Variants in ELOVL6 observed in about 807,000 individuals in gnomAD.
The protein encoded by ELOVL6 is ELOVL fatty acid elongase 6.
Under a neutral mutation model 31.7 loss-of-function variants are expected in ELOVL6, and 8 were observed. The observed-to-expected ratio is 0.25, with a 90% CI of 0.15 to 0.45. The LOEUF (loss-of-function observed/expected upper bound fraction) is 0.45. Among genes scored for constraint, ELOVL6 ranks in the 20% least tolerant of loss-of-function variants. The probability of loss-of-function intolerance (pLI) is 1.00; values close to 1 mark genes in which losing one functional copy is unlikely to be tolerated. For synonymous variants in ELOVL6, 101 were observed against 117.7 expected, an observed-to-expected ratio of 0.86 and a Z score of 0.92; for missense variants, 126 against 326.4, an observed-to-expected ratio of 0.39 and a Z score of 4.73.
chr4:110,180,021 GC>G (rs1335411747), intron 1 of ELOVL6, among the ~76,000 whole-genome samples: 1 of 152,218 alleles, frequency 6.6e-6, no homozygotes, highest in Non-Finnish European at 1.5e-5. Context: ...AGAAATATCA[GC>G]CATAAAATGT....
At chr4:110,063,592 A>G (rs746129954) in intron 2 of ELOVL6, among the ~76,000 whole-genome samples, 68 of 152,334 alleles carry the variant, frequency 4.5e-4, no homozygotes, top group Non-Finnish European at 8.8e-4. Context: ...GTTGGTATAG[A>G]AAAGCTTCTG....
intron 1 of ELOVL6, among the ~76,000 whole-genome samples, chr4:110,127,406 C>CAAAAA (rs572027886): frequency 0.015 from 1,265 of 85,230 alleles, 112 homozygotes; most frequent in East Asian, 0.13. Flanking sequence ...GATTCCGTCT[C>CAAAAA]AAAAAAAAAA....
At chr4:110,128,123 T>C (rs1757562723) in intron 1 of ELOVL6, among the ~76,000 whole-genome samples, 1 of 151,800 alleles carries the variant, frequency 6.6e-6, no homozygotes, top group South Asian at 2.1e-4. Context: ...CAGAGAAGGC[T>C]TTCTGGAGAC....
At chr4:110,090,690 C>T (rs779450490) in intron 2 of ELOVL6, among the ~76,000 whole-genome samples, 13 of 145,140 alleles carry the variant, frequency 9.0e-5, no homozygotes, top group South Asian at 4.4e-4. Flanking sequence ...CTGAAACCTC[C>T]GCCACCTGGG....
rs1578448235 is a variant in ELOVL6, at chr4:110,064,785, G to A, written c.222-5031C>T. Among the ~76,000 whole-genome samples the A allele has an allele frequency of 3.9e-5, 6 of 152,220 alleles. No homozygotes were observed. The South Asian group carries it at 8.3e-4, about 21-fold the overall frequency. The stretch of plus-strand genomic sequence containing the variant: ...TTATAGACGTGAGCTACTGCACCTG[G>A]CCTCGATTGATAATGTTTAAAAATC... On this transcript the variant is annotated intron_variant, in intron 2 of 3. Transcript: ENST00000302274.
At chr4:110,055,456 C>T (rs1291490752) in intron 3 of ELOVL6, among the ~76,000 whole-genome samples, 1 of 152,170 alleles carries the variant, frequency 6.6e-6, no homozygotes, top group Non-Finnish European at 1.5e-5. Flanking sequence ...CTCATGTTCT[C>T]TGTATCATGA....
chr4:110,083,146 C>A (rs757628795), intron 2 of ELOVL6, among the ~76,000 whole-genome samples: 2 of 151,592 alleles, frequency 1.3e-5, no homozygotes, highest in Non-Finnish European at 2.9e-5. Flanking sequence ...AAGAAAAAGA[C>A]AAATCAATTT....
intron 1 of ELOVL6, among the ~76,000 whole-genome samples, chr4:110,131,537 A>G (rs1757669959): frequency 6.6e-6 from 1 of 152,226 alleles, no homozygotes; most frequent in Non-Finnish European, 1.5e-5. Flanking sequence ...ACATTTACTC[A>G]ATATCTATAA....
intron 2 of ELOVL6, among the ~76,000 whole-genome samples, chr4:110,072,302 G>A (rs977270675): frequency 2.0e-5 from 3 of 152,232 alleles, no homozygotes; most frequent in African/African-American, 4.8e-5. Context: ...ACGGCGAAAC[G>A]CTGTCTCTAC....
In ELOVL6 at chr4:110,084,053, A is replaced by G. The variant is rs1376630789; in HGVS notation, c.221+21444T>C. Among the ~76,000 whole-genome samples, 11 of 126,842 alleles carry G rather than the reference A, an allele frequency of 8.7e-5. 1 individual carries two copies. Among genetic ancestry groups the G allele is most frequent in the African/African-American group, 3.0e-4 (11 of 36,244 alleles). 83.2% of individuals were successfully genotyped at this position (126,842 alleles called of 152,430 possible). A position where few individuals can be genotyped will look rare whatever the true frequency, so the allele number is the denominator to read the frequency against. On this transcript the variant is annotated intron_variant, in intron 2 of 3. Transcript: ENST00000302274. ...ATATATGGTATATAACACATGCTATATATGATATATAACATATATATGCTA... is the reference window on the plus strand; with the variant it reads ...ATATATGGTATATAACACATGCTATGTATGATATATAACATATATATGCTA...
At chr4:110,121,560 G>A (rs984092767) in intron 1 of ELOVL6, among the ~76,000 whole-genome samples, 2 of 152,124 alleles carry the variant, frequency 1.3e-5, no homozygotes, top group Admixed American at 6.5e-5. Flanking sequence ...TTAGCCAGGC[G>A]TGGTGGCAGA....
intron 1 of ELOVL6, among the ~76,000 whole-genome samples, chr4:110,114,698 A>T (rs572738947): frequency 2.2e-4 from 33 of 152,226 alleles, no homozygotes; most frequent in Non-Finnish European, 4.0e-4. Flanking sequence ...TATCCTAAAG[A>T]AGCCTAGGAC....
At position 110,198,351 on chromosome 4, in the gene ELOVL6, G is replaced by A; in HGVS notation, c.-16C>T. The A allele has an allele frequency of 6.8e-7, 1 of 1,462,408 alleles. No individual in the cohort carries two copies. Among genetic ancestry groups the A allele is most frequent in the Non-Finnish European group, 9.6e-7 (1 of 1,043,722 alleles). 90.6% of individuals were successfully genotyped at this position (1,462,408 alleles called of 1,614,324 possible). On this transcript the variant is annotated 5_prime_UTR_variant, in exon 1 of 4. Transcript: ENST00000302274. ...ACATGTTCATTGGGGCTGATCTTCG[G>A]AGTCGCTACGTGTTCTCTATACAAA...
intron 2 of ELOVL6, among the ~76,000 whole-genome samples, chr4:110,060,540 A>G (rs1755107666): frequency 6.6e-6 from 1 of 152,246 alleles, no homozygotes; most frequent in Admixed American, 6.5e-5. Flanking sequence ...AGAAAAAATA[A>G]ACAATTTCTT....
intron 2 of ELOVL6, among the ~76,000 whole-genome samples, chr4:110,103,521 A>T (rs1356896251): frequency 6.6e-6 from 1 of 152,110 alleles, no homozygotes; most frequent in Non-Finnish European, 1.5e-5. Flanking sequence ...CTTTGCTATA[A>T]TAACTGTATA....
chr4:110,176,443 A>G, intron 1 of ELOVL6, among the ~76,000 whole-genome samples: 1 of 152,164 alleles, frequency 6.6e-6, no homozygotes, highest in East Asian at 1.9e-4. Flanking sequence ...TACAGGCATG[A>G]GCCACTGCGC....
Position 110,051,845 on chromosome 4 carries a change from C to A in ELOVL6, c.374-83G>T. On this transcript the variant is annotated intron_variant, in intron 3 of 3. Coordinates refer to ENST00000302274, the MANE Select transcript of ELOVL6 (RefSeq NM_024090.3). This position sits in a 1 kb window ranked among gnomAD's most constrained non-coding sequence, Gnocchi z 4.8. ...TACAGTTTTGTAAGAGGGTAGACAT[C>A]CTGAGCTAGGACTGGAGAGTTACAT... 2.5e-6 allele frequency: 3 copies of A among 1,185,824 alleles called. No individual in the cohort carries two copies. Among genetic ancestry groups the A allele is most frequent in the South Asian group, 1.5e-5 (1 of 68,102 alleles). The allele number at this position is 1,185,824 out of a possible 1,614,324, so 73.5% of individuals were successfully genotyped here.
intron 1 of ELOVL6, among the ~76,000 whole-genome samples, chr4:110,179,089 C>T (rs897753655): frequency 1.3e-5 from 2 of 151,332 alleles, no homozygotes; most frequent in Admixed American, 6.6e-5. Context: ...TAGTTCTCTA[C>T]GTTAGGTAAA....
At chr4:110,085,784 G>A (rs1756246869) in intron 2 of ELOVL6, among the ~76,000 whole-genome samples, 1 of 152,138 alleles carries the variant, frequency 6.6e-6, no homozygotes, top group African/African-American at 2.4e-5. Context: ...TGTGATCTTG[G>A]CTCACTGCAG....
Sources: gnomAD v4.1 joint callset for allele counts (sites outside exome capture counted in the v4.1 genomes callset) on GRCh38, gnomAD v4.1.1 for gene constraint, Gnocchi (gnomAD v3.1) non-coding constraint, MANE v1.5 for transcripts, NCBI Gene and HGNC (gene_info 2026-07-23, HGNC 2026-07-21) for gene names.